Variants in RPS6KA2 observed in about 807,000 individuals in gnomAD.
RPS6KA2 encodes the protein ribosomal protein S6 kinase A2.
In RPS6KA2, 42 loss-of-function variants were observed where a neutral mutation model predicts 91.8. That is an observed-to-expected ratio of 0.46 (90% CI 0.36 to 0.59). The LOEUF (loss-of-function observed/expected upper bound fraction) is 0.59, where lower values mean the gene tolerates loss of function less well. Ranked by LOEUF, RPS6KA2 falls within the 20% of genes least tolerant of loss-of-function variation. RPS6KA2 has a pLI of 0.00. For synonymous variants in RPS6KA2, 414 were observed against 393.6 expected, an observed-to-expected ratio of 1.05 and a Z score of -0.61; for missense variants, 798 against 978.5, an observed-to-expected ratio of 0.82 and a Z score of 2.46.
chr6:166,504,491 T>G lies in RPS6KA2; in HGVS notation c.566+15A>C. 1 of 1,560,498 alleles carries G rather than the reference T, an allele frequency of 6.4e-7. No homozygotes were observed. On this transcript the variant is annotated intron_variant, in intron 6 of 20. Coordinates refer to ENST00000265678, the MANE Select transcript of RPS6KA2 (RefSeq NM_021135.6). ...ATGGGCGTGGGGAAGTCAGCCCTAG[T>G]TTTTTCTCACTTACTTCTCAGGCTT...
chr6:166,862,232 T>C, exon 1 of RPS6KA2: 1 of 1,611,850 alleles, frequency 6.2e-7, no homozygotes, highest in South Asian at 1.1e-5. Context: ...AAACAGAGGC[T>C]CGGACCGGCA....
At chr6:166,522,479 G>A (rs966675957) in intron 3 of RPS6KA2, among the ~76,000 whole-genome samples, 1 of 152,216 alleles carries the variant, frequency 6.6e-6, no homozygotes, top group Non-Finnish European at 1.5e-5. Flanking sequence ...TCAGAGGCTC[G>A]ATGATGCTTT....
At chr6:166,464,000 G>C (rs1309614977) in intron 11 of RPS6KA2, among the ~76,000 whole-genome samples, 3 of 152,192 alleles carry the variant, frequency 2.0e-5, no homozygotes, top group African/African-American at 7.2e-5. Context: ...CCTGAAGGGG[G>C]AGTGCTCCTA....
intron 2 of RPS6KA2, among the ~76,000 whole-genome samples, chr6:166,746,336 A>C (rs1470736355): frequency 1.3e-5 from 2 of 152,214 alleles, no homozygotes; most frequent in Non-Finnish European, 2.9e-5. Flanking sequence ...AGGACACAGG[A>C]AAACTCAGCG....
At chr6:166,631,720 G>A (rs1396139260), upstream of RPS6KA2, among the ~76,000 whole-genome samples, 23 of 152,158 alleles carry the variant, frequency 1.5e-4, no homozygotes, top group Admixed American at 1.5e-3. Context: ...CCCAAACAGC[G>A]AGAAGGGAGG....
At chr6:166,689,128 G>A (rs1008789767) in intron 2 of RPS6KA2, among the ~76,000 whole-genome samples, 1 of 152,244 alleles carries the variant, frequency 6.6e-6, no homozygotes, top group Non-Finnish European at 1.5e-5. Flanking sequence ...CCCTGTGCCT[G>A]GAGGCTGCGC....
chr6:166,833,777 G>C (rs1290120085), intron 2 of RPS6KA2, among the ~76,000 whole-genome samples: 1 of 152,210 alleles, frequency 6.6e-6, no homozygotes, highest in Non-Finnish European at 1.5e-5. Context: ...TTTATCATTT[G>C]AGCAGGTTCC....
intron 2 of RPS6KA2, among the ~76,000 whole-genome samples, chr6:166,819,311 C>T (rs1196010805): frequency 1.3e-5 from 2 of 152,140 alleles, no homozygotes; most frequent in African/African-American, 4.8e-5. Context: ...TCACTTCTTA[C>T]ATGAAAGGTA....
chr6:166,763,930 G>C (rs1187061950), intron 2 of RPS6KA2, among the ~76,000 whole-genome samples: 1 of 152,216 alleles, frequency 6.6e-6, no homozygotes, highest in Non-Finnish European at 1.5e-5. Context: ...CCTTGTCTAT[G>C]TCCGTCACCA....
intron 11 of RPS6KA2, among the ~76,000 whole-genome samples, chr6:166,467,851 T>A (rs945949241): frequency 2.0e-5 from 3 of 152,192 alleles, no homozygotes; most frequent in Non-Finnish European, 4.4e-5. Context: ...TACGGCTCTA[T>A]CCCCAGCCCT....
chr6:166,780,207 G>C (rs910949494), intron 2 of RPS6KA2, among the ~76,000 whole-genome samples: 1 of 152,264 alleles, frequency 6.6e-6, no homozygotes, highest in Non-Finnish European at 1.5e-5. Context: ...TCCAGCCCCA[G>C]TGCCTGGGAA....
rs551839042 is a variant in RPS6KA2, at chr6:166,775,186, AATGGCTTTG to A, written c.123+83005_123+83013del. ...CTTTGGGGGGCAGTCTTGATTCTTA[AATGGCTTTG>A]ATGGCTTTGATAAACACCCTGGGCC... On this transcript the variant is annotated intron_variant, in intron 2 of 21. Coordinates refer to the RPS6KA2 transcript ENST00000503859. Among the ~76,000 whole-genome samples, 833 of 152,156 alleles carry A rather than the reference AATGGCTTTG, an allele frequency of 5.5e-3. 6 individuals are homozygous for A. The highest frequency in any genetic ancestry group is 0.019 in the African/African-American group (794 of 41,488).
At chr6:166,627,515 T>G (rs143108600), upstream of RPS6KA2, 697 of 149,336 alleles carry the variant, frequency 4.7e-3, 4 homozygotes, top group Non-Finnish European at 7.7e-3. Context: ...TGCCCATCCC[T>G]CCTCCTCTTT....
chr6:166,574,634 C>CT (rs757742407), intron 1 of RPS6KA2, among the ~76,000 whole-genome samples: 6 of 152,224 alleles, frequency 3.9e-5, no homozygotes, highest in South Asian at 2.1e-4. Context: ...GTGCATGTGT[C>CT]TTTTTGGTAG....
chr6:166,719,039 A>G lies in RPS6KA2; in HGVS notation c.123+139161T>C, dbSNP rs530566932. Among the ~76,000 whole-genome samples the G allele has an allele frequency of 7.9e-4, 120 of 152,336 alleles. 3 individuals carry two copies. In the South Asian group the frequency reaches 0.022, roughly 27 times the overall value. ...CACCAGCCGGCAAACTTTTCTCTACATGTACAGGTAGCAAACATTTTTGGG... is the reference window on the plus strand; with the variant it reads ...CACCAGCCGGCAAACTTTTCTCTACGTGTACAGGTAGCAAACATTTTTGGG... On this transcript the variant is annotated intron_variant, in intron 2 of 21. Coordinates refer to the RPS6KA2 transcript ENST00000503859.
rs1024093361 is a variant in RPS6KA2 at position 166,418,077 on chromosome 6, G to A, written c.1938+148C>T. 1.3e-5 allele frequency: 8 copies of A among 624,822 alleles called. No individual in the cohort carries two copies. The highest frequency in any genetic ancestry group is 5.2e-5 in the Admixed American group (2 of 38,290). The allele number at this position is 624,822 out of a possible 1,614,324, so 38.7% of individuals were successfully genotyped here. ...CACTCCAGCCTGGGTGAGACAGAGC[G>A]AGACTCCATTTCAAGAAAAAAAAAA... is the stretch of plus-strand genomic sequence containing the variant. On this transcript the variant is annotated intron_variant, in intron 19 of 20. Coordinates refer to ENST00000265678, the MANE Select transcript of RPS6KA2 (RefSeq NM_021135.6). The surrounding 1 kb of genome is among the most constrained non-coding windows in gnomAD (Gnocchi z 4.9).
intron 1 of RPS6KA2, among the ~76,000 whole-genome samples, chr6:166,610,957 A>C (rs1187227866): frequency 1.3e-5 from 2 of 152,078 alleles, no homozygotes; most frequent in Non-Finnish European, 2.9e-5. Context: ...AGCCTGGGAG[A>C]GTATTATGAG....
Position 166,770,724 on chromosome 6 carries a change from C to G in RPS6KA2, c.123+87476G>C. The G allele has an allele frequency of 1.3e-6, 1 of 778,090 alleles. No individual in the cohort carries two copies. The highest frequency in any genetic ancestry group is 2.1e-6 in the Non-Finnish European group (1 of 487,748). The allele number at this position is 778,090 out of a possible 1,614,324, so 48.2% of individuals were successfully genotyped here. Reference sequence around the variant, plus strand: ...GTGGAGTGGTCCAGCCTTCTAAAAGCTCTTCGCACCTTGCCTTGCTGGACT... The same window carrying G: ...GTGGAGTGGTCCAGCCTTCTAAAAGGTCTTCGCACCTTGCCTTGCTGGACT... On this transcript the variant is annotated intron_variant, in intron 2 of 21. Coordinates refer to the RPS6KA2 transcript ENST00000503859. This position sits in a 1 kb window ranked among gnomAD's most constrained non-coding sequence, Gnocchi z 5.1.
At chr6:166,681,144 C>T (rs1178007224) in intron 2 of RPS6KA2, among the ~76,000 whole-genome samples, 1 of 152,204 alleles carries the variant, frequency 6.6e-6, no homozygotes, top group African/African-American at 2.4e-5. Context: ...ACAGATCTAG[C>T]CACAACGTGT....
Sources: gnomAD v4.1 joint callset for allele counts (sites outside exome capture counted in the v4.1 genomes callset) on GRCh38, gnomAD v4.1.1 for gene constraint, Gnocchi (gnomAD v3.1) non-coding constraint, MANE v1.5 for transcripts, NCBI Gene and HGNC (gene_info 2026-07-23, HGNC 2026-07-21) for gene names.